The following AKT2 variants were observed in gnomAD, a reference collection of about 807,000 sequenced individuals.
AKT2 encodes the protein AKT serine/threonine kinase 2.
AKT2 carries 16 observed loss-of-function variants against 58.6 expected under a neutral mutation model. The observed-to-expected ratio is 0.27, with a 90% CI of 0.18 to 0.41. The LOEUF (loss-of-function observed/expected upper bound fraction) is 0.41, where lower values mean the gene tolerates loss of function less well. Ranked by LOEUF, AKT2 falls within the 10% of genes least tolerant of loss-of-function variation. The pLI, the probability that AKT2 is intolerant of heterozygous loss-of-function variation, is 1.00. For synonymous variants in AKT2, 253 were observed against 254.0 expected (o/e 1.00, Z 0.04); for missense variants, 438 against 661.0 (o/e 0.66, Z 3.70).
In AKT2 at chr19:40,235,138, G is replaced by C; in HGVS notation, c.1273C>G (p.Pro425Ala). ...QDVVQKKLLP[P>A]FKPQVTSEVD... ...TCGGACGTGACCTGAGGTTTGAAGG[G>C]TGGCAGGAGCTACGGAGGAGAGGAG... Residue 425 changes from proline (P) to alanine (A), a missense_variant, in exon 13 of 14, where the codon CCC becomes GCC. Physicochemically the swap from Pro to Ala is conservative, Grantham distance 27. Around this residue, in one of 3 missense-constraint regions of AKT2, gnomAD observed 148 missense variants for 199.5 expected, o/e 0.74. Transcript: ENST00000392038. The surrounding 1 kb of genome is among the most constrained non-coding windows in gnomAD (Gnocchi z 6.3). 1.2e-6 allele frequency: 2 copies of C among 1,614,084 alleles called. No homozygotes were observed. The highest frequency in any genetic ancestry group is 1.7e-6 in the Non-Finnish European group (2 of 1,179,996).
chr19:40,276,825 G>A (rs2077335191), intron 1 of AKT2, among the ~76,000 whole-genome samples: 1 of 152,124 alleles, frequency 6.6e-6, no homozygotes, highest in Admixed American at 6.5e-5. Flanking sequence ...AGATCAGCCT[G>A]AGCAAAATAG....
At position 40,235,454 on chromosome 19, in the gene AKT2, T is replaced by C. The variant is rs1297901937; in HGVS notation, c.1176-104A>G. On this transcript the variant is annotated intron_variant, in intron 11 of 13. Transcript: ENST00000392038. This position sits in a 1 kb window ranked among gnomAD's most constrained non-coding sequence, Gnocchi z 6.3. ...CTGTATGGCCCTTAATGATTCTGTCTTGACCACAAACCACTTCACAGAGGA... is the reference window on the plus strand; with the variant it reads ...CTGTATGGCCCTTAATGATTCTGTCCTGACCACAAACCACTTCACAGAGGA... 1.9e-6 allele frequency: 2 copies of C among 1,038,820 alleles called. No individual in the cohort carries two copies. The highest frequency in any genetic ancestry group is 2.8e-4 in the Middle Eastern group (1 of 3,564). 64.4% of individuals were successfully genotyped at this position (1,038,820 alleles called of 1,614,324 possible). A position where few individuals can be genotyped will look rare whatever the true frequency, so the allele number is the denominator to read the frequency against.
chr19:40,253,897 C>T (rs1364627311), intron 4 of AKT2, among the ~76,000 whole-genome samples: 1 of 151,304 alleles, frequency 6.6e-6, no homozygotes. Context: ...GCAGCTGCAT[C>T]TCTCCATATA....
intron 2 of AKT2, among the ~76,000 whole-genome samples, chr19:40,259,958 G>A (rs916003691): frequency 6.6e-6 from 1 of 151,982 alleles, no homozygotes; most frequent in African/African-American, 2.4e-5. Context: ...TTCAAAACCA[G>A]CCTGGCCAAC....
At chr19:40,260,650 AAAAAAAAG>A (rs1975875595) in intron 2 of AKT2, among the ~76,000 whole-genome samples, 1 of 150,716 alleles carries the variant, frequency 6.6e-6, no homozygotes, top group Non-Finnish European at 1.5e-5. Flanking sequence ...AAAAAAAAAA[AAAAAAAAG>A]AATATATCAT....
At chr19:40,277,390 T>C (rs1447316439) in intron 1 of AKT2, among the ~76,000 whole-genome samples, 1 of 152,210 alleles carries the variant, frequency 6.6e-6, no homozygotes, top group Non-Finnish European at 1.5e-5. Context: ...AGCTGGGCTC[T>C]AGGGCGCCCT....
intron 1 of AKT2, 144 bp downstream of exon 1, chr19:40,285,037 C>A (rs1408391262): frequency 1.0e-5 from 4 of 383,850 alleles, no homozygotes; most frequent in South Asian, 1.4e-4. Flanking sequence ...CGCTCGGCCA[C>A]CCCCACTCAG....
intron 4 of AKT2, among the ~76,000 whole-genome samples, chr19:40,246,953 G>A (rs943547219): frequency 6.6e-6 from 1 of 152,236 alleles, no homozygotes; most frequent in Non-Finnish European, 1.5e-5. Flanking sequence ...GGAAGGGAGG[G>A]TGCCGAAGAC....
intron 1 of AKT2, among the ~76,000 whole-genome samples, chr19:40,275,901 T>C (rs545380900): frequency 6.7e-6 from 1 of 150,098 alleles, no homozygotes; most frequent in East Asian, 2.0e-4. Flanking sequence ...TAATCCCAGC[T>C]ACTCGGGAGG....
At chr19:40,280,352 G>A (rs915589752) in intron 1 of AKT2, among the ~76,000 whole-genome samples, 1 of 152,162 alleles carries the variant, frequency 6.6e-6, no homozygotes, top group African/African-American at 2.4e-5. Flanking sequence ...AACACGGTGT[G>A]AAAACCACAG....
In AKT2 at chr19:40,234,792, C is replaced by T. The variant is rs1973906467; in HGVS notation, c.1366+253G>A. 1.6e-6 allele frequency: 1 copy of T among 619,524 alleles called. No homozygotes were observed. The highest frequency in any genetic ancestry group is 2.7e-5 in the Admixed American group (1 of 36,370). The allele number at this position is 619,524 out of a possible 1,614,324, so 38.4% of individuals were successfully genotyped here. On this transcript the variant is annotated intron_variant, in intron 13 of 13. Coordinates refer to ENST00000392038, the MANE Select transcript of AKT2 (RefSeq NM_001626.6). The surrounding 1 kb of genome is among the most constrained non-coding windows in gnomAD (Gnocchi z 4.7). ...CTGTAAAGCAGTGAACCCAGCCAGG[C>T]TCAGGGACCGGGCTGCCTCCTGCCC...
chr19:40,271,275 AT>A (rs2077210991), intron 1 of AKT2, among the ~76,000 whole-genome samples: 1 of 148,554 alleles, frequency 6.7e-6, no homozygotes, highest in Non-Finnish European at 1.5e-5. Context: ...ATATATATAT[AT>A]AGTAGTCAGG....
chr19:40,249,773 C>T (rs1975010528), intron 4 of AKT2, among the ~76,000 whole-genome samples: 1 of 152,246 alleles, frequency 6.6e-6, no homozygotes, highest in Non-Finnish European at 1.5e-5. Context: ...ATCCAACAAA[C>T]ATTTACTGAA....
intron 1 of AKT2, chr19:40,265,963 AAGACAGGTCTC>A (rs1222810575): frequency 6.3e-6 from 1 of 157,586 alleles, no homozygotes; most frequent in African/African-American, 2.4e-5. Context: ...TGACAGAGAA[AAGACAGGTCTC>A]AGACAATCCG....
At chr19:40,251,728 C>T (rs764083557) in intron 4 of AKT2, among the ~76,000 whole-genome samples, 2 of 152,116 alleles carry the variant, frequency 1.3e-5, no homozygotes, top group East Asian at 1.9e-4. Context: ...AATTCAAGTA[C>T]GGCATGGATA....
chr19:40,233,235 G>C lies in AKT2; in HGVS notation c.*637C>G, dbSNP rs1162340155. The C allele has an allele frequency of 3.8e-6, 1 of 263,240 alleles. No homozygotes were observed. Among genetic ancestry groups the C allele is most frequent in the Non-Finnish European group, 7.3e-6 (1 of 136,468 alleles). 16.3% of individuals were successfully genotyped at this position (263,240 alleles called of 1,614,324 possible). A position where few individuals can be genotyped will look rare whatever the true frequency, so the allele number is the denominator to read the frequency against. ...CGGACCAGGAGGCGGCACCCAGCCCGGCCACTCCTGGTTCCCCATGGTACA... is the reference window on the plus strand; with the variant it reads ...CGGACCAGGAGGCGGCACCCAGCCCCGCCACTCCTGGTTCCCCATGGTACA... On this transcript the variant is annotated 3_prime_UTR_variant, in exon 14 of 14. Coordinates refer to ENST00000392038, the MANE Select transcript of AKT2 (RefSeq NM_001626.6). This position sits in a 1 kb window ranked among gnomAD's most constrained non-coding sequence, Gnocchi z 4.3.
chr19:40,258,265 A>G (rs1470382690), intron 2 of AKT2, among the ~76,000 whole-genome samples: 2 of 142,018 alleles, frequency 1.4e-5, no homozygotes, highest in African/African-American at 2.6e-5. Flanking sequence ...AAAAAAAAAC[A>G]AAAAAAAAAA....
chr19:40,241,961 G>A lies in AKT2; in HGVS notation c.550C>T (p.Arg184Trp), dbSNP rs752597471. The change falls in exon 6 of 14, where the codon CGG (arginine) becomes TGG (tryptophan). Residue 184 changes from arginine to tryptophan, a missense_variant. Arg to Trp is a moderately radical substitution (Grantham distance 101). This residue lies in a region of AKT2 where 244 missense variants were observed against 347.1 expected (regional missense o/e 0.70). Transcript: ENST00000392038. ...TGRYYAMKIL[R>W]KEVIIAKDEV... ...ACCTTGGCAATGATGACTTCCTTCCGCAGGATCTTCATGGCGTAGTAGCGG... is the reference window on the plus strand; with the variant it reads ...ACCTTGGCAATGATGACTTCCTTCCACAGGATCTTCATGGCGTAGTAGCGG... 15 of 1,614,174 alleles carry A rather than the reference G, an allele frequency of 9.3e-6. No individual in the cohort carries two copies. Among genetic ancestry groups the A allele is most frequent in the East Asian group, 2.2e-5 (1 of 44,886 alleles).
In AKT2 at chr19:40,234,852, G is replaced by A. The variant is rs1415382195; in HGVS notation, c.1366+193C>T. The A allele has an allele frequency of 1.5e-6, 1 of 680,518 alleles. No homozygotes were observed. Among genetic ancestry groups the A allele is most frequent in the East Asian group, 2.7e-5 (1 of 37,034 alleles). 42.2% of individuals were successfully genotyped at this position (680,518 alleles called of 1,614,324 possible). On this transcript the variant is annotated intron_variant, in intron 13 of 13. Coordinates refer to ENST00000392038, the MANE Select transcript of AKT2 (RefSeq NM_001626.6). The surrounding 1 kb of genome is among the most constrained non-coding windows in gnomAD (Gnocchi z 4.7). The stretch of plus-strand genomic sequence containing the variant: ...CGACTGAGCTCCAGAACGTGCTGCA[G>A]TCAATGGCTCCTGGTGGCCTCACCA...
Sources: allele counts gnomAD v4.1 joint callset (sites outside exome capture counted in the v4.1 genomes callset), GRCh38; gene constraint gnomAD v4.1.1; regional missense constraint gnomAD v4.1.1; non-coding constraint Gnocchi (gnomAD v3.1); transcripts MANE v1.5; gene names NCBI Gene and HGNC (gene_info 2026-07-23, HGNC 2026-07-21).